TAOK3: variants seen among roughly 807,000 people sequenced by gnomAD.
The protein encoded by TAOK3 is serine/threonine-protein kinase TAO3.
A neutral mutation model predicts 120.4 loss-of-function variants in TAOK3; 40 were observed. The ratio of observed to expected loss-of-function variants is 0.33; its 90% CI spans 0.26 to 0.43. The LOEUF is 0.43. TAOK3 is among the 20% of genes least tolerant of loss of function. The pLI is 1.00. For synonymous variants in TAOK3, 355 were observed against 387.5 expected, an observed-to-expected ratio of 0.92 and a Z score of 0.99; for missense variants, 821 against 1,112.1, an observed-to-expected ratio of 0.74 and a Z score of 3.72.
intron 9 of TAOK3, among the ~76,000 whole-genome samples, chr12:118,227,187 T>C (rs763633571): frequency 2.0e-5 from 3 of 151,180 alleles, no homozygotes; most frequent in Non-Finnish European, 2.9e-5. Context: ...GGTGTTGCTA[T>C]GATGGTCTCA....
intron 17 of TAOK3, among the ~76,000 whole-genome samples, chr12:118,166,502 C>A (rs996663826): frequency 6.1e-5 from 9 of 147,934 alleles, no homozygotes; most frequent in African/African-American, 2.3e-4. Context: ...TGCGCCATTG[C>A]ATTCCAGCCT....
At position 118,199,269 on chromosome 12, in the gene TAOK3, G is replaced by A. The variant is rs772265752; in HGVS notation, c.988-12C>T. ...CCATGTTCACTGTCCTGTAAAAATGGGGCACTGAGGTTAGAAAAAAAGACT... is the reference window on the plus strand; with the variant it reads ...CCATGTTCACTGTCCTGTAAAAATGAGGCACTGAGGTTAGAAAAAAAGACT... On this transcript the variant is annotated splice_polypyrimidine_tract_variant and intron_variant, in intron 12 of 20. Coordinates refer to ENST00000392533, the MANE Select transcript of TAOK3 (RefSeq NM_016281.4). The A allele has an allele frequency of 6.3e-7, 1 of 1,595,102 alleles. No individual in the cohort carries two copies. The highest frequency in any genetic ancestry group is 1.1e-5 in the South Asian group (1 of 90,672).
At chr12:118,363,018 C>CAAAAAAAAAAAAAAAAAAAAAA (rs60475060) in intron 1 of TAOK3, among the ~76,000 whole-genome samples, 5 of 45,862 alleles carry the variant, frequency 1.1e-4, no homozygotes, top group Non-Finnish European at 1.5e-4. Flanking sequence ...GACTCCGTAT[C>CAAAAAAAAAAAAAAAAAAAAAA]AAAAAAAAAA....
At chr12:118,189,765 G>A in intron 14 of TAOK3, 42 bp downstream of exon 14, 1 of 1,611,232 alleles carries the variant, frequency 6.2e-7, no homozygotes, top group South Asian at 1.1e-5. Context: ...AGATGGGGAG[G>A]AGGGGAAGGA....
At chr12:118,351,103 C>T (rs906228477) in intron 1 of TAOK3, among the ~76,000 whole-genome samples, 4 of 152,114 alleles carry the variant, frequency 2.6e-5, no homozygotes, top group South Asian at 2.1e-4. Flanking sequence ...CACTTGAACC[C>T]GGGAAGTGGA....
chr12:118,228,740 C>T (rs962101763), intron 9 of TAOK3, among the ~76,000 whole-genome samples: 6 of 152,156 alleles, frequency 3.9e-5, no homozygotes, highest in African/African-American at 9.6e-5. Flanking sequence ...TGTATGCATA[C>T]GGAGTTCTTC....
intron 1 of TAOK3, among the ~76,000 whole-genome samples, chr12:118,292,766 TTTC>T (rs1312389669): frequency 6.6e-6 from 1 of 152,204 alleles, no homozygotes; most frequent in Non-Finnish European, 1.5e-5. Context: ...CATCTAAAAC[TTTC>T]TTTTCATTTT....
chr12:118,250,228 T>G (rs2040689973), intron 3 of TAOK3, among the ~76,000 whole-genome samples: 1 of 152,186 alleles, frequency 6.6e-6, no homozygotes, highest in African/African-American at 2.4e-5. Context: ...CCCAAAGTGC[T>G]GGGATTACAT....
chr12:118,344,022 A>T (rs2044745920), intron 1 of TAOK3, among the ~76,000 whole-genome samples: 1 of 151,390 alleles, frequency 6.6e-6, no homozygotes, highest in South Asian at 2.1e-4. Flanking sequence ...AAAAAAAAAA[A>T]TCCACTAGAA....
At chr12:118,306,087 T>C (rs1449255633) in intron 1 of TAOK3, among the ~76,000 whole-genome samples, 1 of 152,144 alleles carries the variant, frequency 6.6e-6, no homozygotes, top group Non-Finnish European at 1.5e-5. Context: ...TTTTTCTGGA[T>C]ACTCAGAGTA....
intron 14 of TAOK3, among the ~76,000 whole-genome samples, chr12:118,184,164 A>G (rs1045792239): frequency 6.6e-6 from 1 of 152,186 alleles, no homozygotes; most frequent in African/African-American, 2.4e-5. Flanking sequence ...AATGTGGATA[A>G]TTACCTTCTT....
chr12:118,227,326 ATC>A (rs939095572), intron 9 of TAOK3, among the ~76,000 whole-genome samples: 50 of 148,082 alleles, frequency 3.4e-4, no homozygotes, highest in Non-Finnish European at 6.0e-5. Flanking sequence ...AATATAAAAT[ATC>A]TGTGTTATAA....
intron 11 of TAOK3, among the ~76,000 whole-genome samples, chr12:118,206,803 G>C (rs981028525): frequency 6.6e-6 from 1 of 151,568 alleles, no homozygotes; most frequent in Non-Finnish European, 1.5e-5. Flanking sequence ...CACCATGTTG[G>C]CCAAGATGGT....
intron 1 of TAOK3, among the ~76,000 whole-genome samples, chr12:118,282,606 T>C (rs553179302): frequency 1.1e-4 from 16 of 152,340 alleles, no homozygotes; most frequent in African/African-American, 3.6e-4. Flanking sequence ...AGATAGCTCA[T>C]AGAATGAATT....
intron 1 of TAOK3, among the ~76,000 whole-genome samples, chr12:118,267,714 G>A (rs1421454077): frequency 2.0e-5 from 3 of 150,500 alleles, no homozygotes; most frequent in Non-Finnish European, 3.0e-5. Context: ...GTGAAACCCC[G>A]TCTCTACTGA....
At chr12:118,264,734 T>A (rs1349023817) in intron 2 of TAOK3, among the ~76,000 whole-genome samples, 46 of 152,282 alleles carry the variant, frequency 3.0e-4, no homozygotes, top group Admixed American at 3.0e-3. Flanking sequence ...TGTAGAAAGA[T>A]GTACCAAATT....
chr12:118,303,797 GC>G (rs1401636788), intron 1 of TAOK3, among the ~76,000 whole-genome samples: 1 of 152,114 alleles, frequency 6.6e-6, no homozygotes, highest in East Asian at 1.9e-4. Context: ...ACAGGCACCT[GC>G]CAGCATACCC....
At chr12:118,356,919 C>T (rs1207308062) in intron 1 of TAOK3, among the ~76,000 whole-genome samples, 1 of 152,120 alleles carries the variant, frequency 6.6e-6, no homozygotes, top group East Asian at 1.9e-4. Context: ...GAGACTCTGT[C>T]TCTAAATAAA....
intron 9 of TAOK3, among the ~76,000 whole-genome samples, chr12:118,232,154 T>C (rs887548067): frequency 6.6e-6 from 1 of 152,248 alleles, no homozygotes; most frequent in African/African-American, 2.4e-5. Flanking sequence ...TTGGCAAAGC[T>C]ACAAATCAAG....
Sources: gnomAD v4.1 joint callset for allele counts (sites outside exome capture counted in the v4.1 genomes callset) on GRCh38, gnomAD v4.1.1 for gene constraint, MANE v1.5 for transcripts, NCBI Gene and HGNC (gene_info 2026-07-23, HGNC 2026-07-21) for gene names.